The following SPAST variants were observed in gnomAD, a reference collection of about 807,000 sequenced individuals.
SPAST encodes the protein spastin.
A neutral mutation model predicts 76.6 loss-of-function variants in SPAST; 30 were observed. That is an observed-to-expected ratio of 0.39 (90% CI 0.29 to 0.53). The LOEUF (loss-of-function observed/expected upper bound fraction) is 0.53, where lower values mean the gene tolerates loss of function less well. Ranked by LOEUF, SPAST falls within the 20% of genes least tolerant of loss-of-function variation. The pLI is 0.68. For synonymous variants in SPAST, 305 were observed against 281.0 expected (o/e 1.09, Z -0.86); for missense variants, 717 against 770.5 (o/e 0.93, Z 0.82).
At chr2:32,067,098 G>A (rs1029928786) in intron 1 of SPAST, among the ~76,000 whole-genome samples, 3 of 151,880 alleles carry the variant, frequency 2.0e-5, no homozygotes, top group Non-Finnish European at 4.4e-5. Flanking sequence ...GTCTCGCTCA[G>A]TTGCCCAGGC....
At chr2:32,101,246 G>A (rs1052846000) in intron 4 of SPAST, among the ~76,000 whole-genome samples, 1 of 152,164 alleles carries the variant, frequency 6.6e-6, no homozygotes, top group African/African-American at 2.4e-5. Flanking sequence ...TCTTTTGGCT[G>A]CATAAATGTC....
chr2:32,137,568 C>T (rs1399754163), intron 12 of SPAST, among the ~76,000 whole-genome samples: 1 of 152,142 alleles, frequency 6.6e-6, no homozygotes, highest in Non-Finnish European at 1.5e-5. Context: ...TCCCTTCATA[C>T]TGGAAGGACG....
intron 1 of SPAST, among the ~76,000 whole-genome samples, chr2:32,068,140 A>G (rs1676599269): frequency 1.3e-5 from 2 of 148,926 alleles, no homozygotes; most frequent in South Asian, 2.1e-4. Flanking sequence ...CACCATGCCC[A>G]GCTAATTTTT....
intron 4 of SPAST, among the ~76,000 whole-genome samples, chr2:32,110,565 T>C (rs866177505): frequency 3.0e-4 from 38 of 126,816 alleles, no homozygotes; most frequent in African/African-American, 1.1e-3. Context: ...ATAGTGTGTA[T>C]ATATAGTATA....
intron 4 of SPAST, among the ~76,000 whole-genome samples, chr2:32,099,430 C>T (rs989555552): frequency 6.6e-6 from 1 of 152,144 alleles, no homozygotes; most frequent in African/African-American, 2.4e-5. Flanking sequence ...ATATCAACTT[C>T]TACAGAAGAT....
intron 9 of SPAST, among the ~76,000 whole-genome samples, chr2:32,135,603 C>T (rs996061128): frequency 6.6e-5 from 10 of 152,080 alleles, no homozygotes; most frequent in African/African-American, 2.4e-4. Context: ...ATGGTGTCAG[C>T]ACCTGGGAAT....
In SPAST at chr2:32,134,494, A is replaced by G. The variant is rs539503318; in HGVS notation, c.1246-2069A>G. 4.0e-5 allele frequency among the ~76,000 whole-genome samples: 6 copies of G among 151,880 alleles called. No individual in the cohort carries two copies. The South Asian group carries it at 8.3e-4, about 21-fold the overall frequency. On this transcript the variant is annotated intron_variant, in intron 9 of 16. Coordinates refer to ENST00000315285, the MANE Select transcript of SPAST (RefSeq NM_014946.4). ...AAAAAAATTTTTTTTTGTAGTGACA[A>G]GGTGTCACTGTGTTGCCAGGGCTGG... is the stretch of plus-strand genomic sequence containing the variant.
intron 14 of SPAST, 72 bp downstream of exon 14, chr2:32,143,487 T>G: frequency 1.1e-6 from 1 of 932,882 alleles, no homozygotes. Flanking sequence ...TTTTAGTTAT[T>G]TAAAGTAATC....
At chr2:32,111,970 TTAGTAGTAGTAGTAG>T (rs55815291) in intron 4 of SPAST, among the ~76,000 whole-genome samples, 287 of 141,280 alleles carry the variant, frequency 2.0e-3, no homozygotes, top group Non-Finnish European at 3.0e-3. Flanking sequence ...TATAATTAAG[TTAGTAGTAGTAGTAG>T]TAGTAGTAGT....
chr2:32,110,709 T>C (rs901873544), intron 4 of SPAST, among the ~76,000 whole-genome samples: 2 of 136,314 alleles, frequency 1.5e-5, no homozygotes, highest in African/African-American at 2.8e-5. Context: ...GTGTACATAG[T>C]ATACTATATA....
At chr2:32,107,142 G>T (rs1025412656) in intron 4 of SPAST, among the ~76,000 whole-genome samples, 2 of 151,950 alleles carry the variant, frequency 1.3e-5, no homozygotes, top group African/African-American at 4.8e-5. Context: ...CCTGCAACCT[G>T]TTTGAAAAAA....
intron 4 of SPAST, among the ~76,000 whole-genome samples, chr2:32,103,808 T>G (rs1287550507): frequency 6.6e-6 from 1 of 152,230 alleles, no homozygotes. Flanking sequence ...GAGTTCTAGT[T>G]TGATTGCACT....
intron 4 of SPAST, among the ~76,000 whole-genome samples, chr2:32,104,662 G>C (rs1320147721): frequency 6.6e-6 from 1 of 152,102 alleles, no homozygotes; most frequent in Non-Finnish European, 1.5e-5. Context: ...TACAAAATCT[G>C]TCAGCATTTG....
intron 16 of SPAST, among the ~76,000 whole-genome samples, chr2:32,148,202 G>A (rs1679958932): frequency 6.6e-6 from 1 of 151,900 alleles, no homozygotes; most frequent in African/African-American, 2.4e-5. Flanking sequence ...CAGAGTGCTT[G>A]GGACTAATTT....
chr2:32,126,304 C>A (rs933798127), intron 7 of SPAST, among the ~76,000 whole-genome samples: 1 of 152,054 alleles, frequency 6.6e-6, no homozygotes, highest in Non-Finnish European at 1.5e-5. Flanking sequence ...TTGTGGAATT[C>A]ATTGTGTTAA....
At chr2:32,101,794 G>A (rs949748501) in intron 4 of SPAST, among the ~76,000 whole-genome samples, 3 of 152,092 alleles carry the variant, frequency 2.0e-5, no homozygotes, top group African/African-American at 4.8e-5. Flanking sequence ...TAGATGTGTG[G>A]TATTATTTCT....
At chr2:32,080,115 T>G (rs1677145442) in intron 1 of SPAST, among the ~76,000 whole-genome samples, 1 of 152,206 alleles carries the variant, frequency 6.6e-6, no homozygotes, top group Non-Finnish European at 1.5e-5. Flanking sequence ...ATAGTCATCC[T>G]AAAGGGTATG....
At chr2:32,116,395 G>C (rs1165670590) in intron 7 of SPAST, among the ~76,000 whole-genome samples, 183 bp downstream of exon 7, 1 of 152,152 alleles carries the variant, frequency 6.6e-6, no homozygotes, top group Non-Finnish European at 1.5e-5. Context: ...TTATAGAATA[G>C]GAAAATGGAT....
chr2:32,077,414 C>G, intron 1 of SPAST, among the ~76,000 whole-genome samples: 1 of 152,080 alleles, frequency 6.6e-6, no homozygotes, highest in East Asian at 1.9e-4. Context: ...AACAAATTTA[C>G]TAAGTATAAT....
Sources: gnomAD v4.1 joint callset for allele counts (sites outside exome capture counted in the v4.1 genomes callset) on GRCh38, gnomAD v4.1.1 for gene constraint, MANE v1.5 for transcripts, NCBI Gene and HGNC (gene_info 2026-07-23, HGNC 2026-07-21) for gene names.